The following KIF26A variants were observed in gnomAD, a reference collection of about 807,000 sequenced individuals.
KIF26A encodes the protein kinesin family member 26A.
Under a neutral mutation model 126.0 loss-of-function variants are expected in KIF26A, and 74 were observed. The observed-to-expected ratio is 0.59, with a 90% CI of 0.49 to 0.71. The LOEUF is 0.71. Among genes scored for constraint, KIF26A ranks in the 30% least tolerant of loss-of-function variants. The pLI is 0.00. For missense variants in KIF26A, 2,984 were observed against 2,763.3 expected (o/e 1.08, Z -1.79); for synonymous variants, 1,445 against 1,232.7 (o/e 1.17, Z -3.61).
At chr14:104,161,886 C>T (rs1253064886) in intron 4 of KIF26A, among the ~76,000 whole-genome samples, 1 of 152,184 alleles carries the variant, frequency 6.6e-6, no homozygotes, top group Admixed American at 6.5e-5. Context: ...GAGTCAAACC[C>T]CTCAGACTTG....
chr14:104,175,642 G>A lies in KIF26A; in HGVS notation c.2854G>A (p.Ala952Thr), dbSNP rs772138888. Residue 952 changes from alanine to threonine, a missense_variant, in exon 12 of 15, where the codon GCT (alanine) becomes ACT (threonine). Physicochemically the swap from Ala to Thr is moderately conservative, Grantham distance 58 (BLOSUM62 0). Transcript: ENST00000423312. ...AGGCAGGAGGCCACTGCCCAGCCCG[G>A]CTCCCCCACCTCCTCAGTTGCTGGA... ...SGGRRPLPSPAPPPPQLLEAC... is the reference protein window; with the variant it reads ...SGGRRPLPSPTPPPPQLLEAC... The A allele has an allele frequency of 6.2e-7, 1 of 1,610,356 alleles. No homozygotes were observed. The highest frequency in any genetic ancestry group is 1.1e-5 in the South Asian group (1 of 90,790).
At chr14:104,144,028 C>T (rs1005273788) in intron 2 of KIF26A, among the ~76,000 whole-genome samples, 2 of 152,208 alleles carry the variant, frequency 1.3e-5, no homozygotes, top group Admixed American at 6.5e-5. Flanking sequence ...AGGGAGGAAG[C>T]CTGGGTGGGC....
rs1440082772 is a variant in KIF26A, at chr14:104,179,223, C to T, written c.5317-13C>T. On this transcript the variant is annotated splice_polypyrimidine_tract_variant and intron_variant, in intron 13 of 14. Transcript: ENST00000423312. ...GGTCCCATGCCTGAGCCCCCGCCCG[C>T]CCTGCCTCCCAGGGTCTGGCGTGCG... The T allele has an allele frequency of 1.0e-5, 15 of 1,455,130 alleles. No individual in the cohort carries two copies. The East Asian group carries it at 3.7e-4, about 35-fold the overall frequency. 90.1% of individuals were successfully genotyped at this position (1,455,130 alleles called of 1,614,324 possible).
intron 2 of KIF26A, among the ~76,000 whole-genome samples, chr14:104,143,954 C>T (rs979197724): frequency 6.6e-5 from 10 of 152,194 alleles, no homozygotes; most frequent in South Asian, 4.1e-4. Context: ...GGGCTCTGCT[C>T]GGGAGGCCGT....
intron 5 of KIF26A, among the ~76,000 whole-genome samples, chr14:104,170,670 G>A (rs528176356): frequency 6.6e-6 from 1 of 152,262 alleles, no homozygotes; most frequent in East Asian, 1.9e-4. Context: ...CCTGGTTCAG[G>A]GTGGCCCTCG....
Position 104,177,885 on chromosome 14 carries a change from G to A in KIF26A, c.5097G>A (p.Lys1699=), listed in dbSNP as rs1460813536. 2 of 1,539,806 alleles carry A rather than the reference G, an allele frequency of 1.3e-6. No individual in the cohort carries two copies. The highest frequency in any genetic ancestry group is 8.7e-7 in the Non-Finnish European group (1 of 1,150,642). ...GARTRSLKSP[K]KRATGLQRRR... ...GCACCCGCAGCCTCAAGTCCCCCAA[G>A]AAGAGGGCCACAGGTGGGTGCAGAG... The change falls in exon 12 of 15, where the codon AAG becomes AAA. Residue 1699 remains lysine, a synonymous_variant. Transcript: ENST00000423312.
chr14:104,173,719 C>G lies in KIF26A; in HGVS notation c.1881C>G (p.Arg627=), dbSNP rs758282114. 2 of 1,611,018 alleles carry G rather than the reference C, an allele frequency of 1.2e-6. No individual in the cohort carries two copies. The highest frequency in any genetic ancestry group is 3.3e-5 in the Admixed American group (2 of 59,900). ...TTGTGGTTCCAGTGTCCGGAGGCCG[C>G]AGCCGCCTGCACCTCATCGACCTGG... ...KCGRGGMSGG[R]SRLHLIDLGS... The change falls in exon 10 of 15, where the codon CGC becomes CGG. Residue 627 remains arginine, a synonymous_variant. Transcript: ENST00000423312.
Position 104,175,567 on chromosome 14 carries a change from A to G in KIF26A, c.2779A>G (p.Ser927Gly), listed in dbSNP as rs2038012630. 1.2e-6 allele frequency: 2 copies of G among 1,606,732 alleles called. No individual in the cohort carries two copies. Among genetic ancestry groups the G allele is most frequent in the Non-Finnish European group, 1.7e-6 (2 of 1,179,402 alleles). Residue 927 changes from serine (S) to glycine (G), a missense_variant, in exon 12 of 15, where the codon AGC becomes GGC. Transcript: ENST00000423312. ...TGTCTGGGGTGACCAGAGAGAGGAC[A>G]GCAGCGCTTGGCCTGAGCTGCTGGT... is the stretch of plus-strand genomic sequence containing the variant. ...AIVWGDQRED[S>G]SAWPELLVPE...
At chr14:104,170,238 C>T (rs1273495848) in intron 5 of KIF26A, among the ~76,000 whole-genome samples, 2 of 152,208 alleles carry the variant, frequency 1.3e-5, no homozygotes, top group Non-Finnish European at 2.9e-5. Context: ...CCGGGAAGTG[C>T]ACGTTTTCGT....
chr14:104,159,755 TCAGGTTGTGGCGGGGGACATCCTGG>T (rs1269916509), intron 4 of KIF26A, among the ~76,000 whole-genome samples: 1 of 152,146 alleles, frequency 6.6e-6, no homozygotes, highest in African/African-American at 2.4e-5. Flanking sequence ...AGGTCGTGGT[TCAGGTTGTGGCGGGGGACATCCTGG>T]CAGGTGGGCC....
At chr14:104,173,650 G>A (rs2037984150) in intron 9 of KIF26A, 56 bp from the exon 10 acceptor site, 1 of 1,587,594 alleles carries the variant, frequency 6.3e-7, no homozygotes, top group Admixed American at 1.7e-5. Context: ...TGGGGATGTG[G>A]AGCAGGATCT....
At chr14:104,157,161 C>T (rs879342107) in intron 3 of KIF26A, among the ~76,000 whole-genome samples, 19 of 152,090 alleles carry the variant, frequency 1.2e-4, no homozygotes, top group Admixed American at 3.3e-4. Context: ...CTGTCCCGGG[C>T]GTTTAATTAC....
Position 104,177,320 on chromosome 14 carries a change from TG to T in KIF26A, c.4536del (p.Pro1513LeufsTer3). ...RGLVAGGSRALGPSVKLSTAS... is the reference protein window; with the variant it reads ...RGLVAGGSRAXGPSVKLSTAS... Reference sequence around the variant, plus strand: ...CTAGTGGCTGGTGGGTCGCGGGCTCTGGGGCCTTCGGTGAAGCTGTCTACGG... The same window carrying T: ...CTAGTGGCTGGTGGGTCGCGGGCTCTGGGCCTTCGGTGAAGCTGTCTACGG... On this transcript the variant is annotated frameshift_variant, in exon 12 of 15. Transcript: ENST00000423312. LOFTEE classifies it high-confidence loss of function. The T allele has an allele frequency of 6.5e-7, 1 of 1,533,556 alleles. No homozygotes were observed. Among genetic ancestry groups the T allele is most frequent in the Non-Finnish European group, 8.7e-7 (1 of 1,144,214 alleles). The allele number at this position is 1,533,556 out of a possible 1,614,324, so 95.0% of individuals were successfully genotyped here. A position where few individuals can be genotyped will look rare whatever the true frequency, so the allele number is the denominator to read the frequency against.
At chr14:104,150,051 G>A (rs1334780532) in intron 2 of KIF26A, among the ~76,000 whole-genome samples, 2 of 152,106 alleles carry the variant, frequency 1.3e-5, no homozygotes, top group African/African-American at 4.8e-5. Flanking sequence ...AGACCTGTGT[G>A]CCCACTGGCC....
At chr14:104,157,362 G>C (rs553775337) in intron 3 of KIF26A, among the ~76,000 whole-genome samples, 1 of 152,180 alleles carries the variant, frequency 6.6e-6, no homozygotes, top group African/African-American at 2.4e-5. Flanking sequence ...GGAGGCTCAG[G>C]GGTGAGAGGG....
rs775687567 is a variant in KIF26A at position 104,175,768 on chromosome 14, C to T, written c.2980C>T (p.Leu994Phe). Residue 994 changes from leucine to phenylalanine, a missense_variant, in exon 12 of 15, where the codon CTT (leucine) becomes TTT (phenylalanine). Transcript: ENST00000423312. Reference protein sequence around the residue: ...MSGQVAGSPMLPGATCPRLAA... With the variant: ...MSGQVAGSPMFPGATCPRLAA... The stretch of plus-strand genomic sequence containing the variant: ...TGGGCAGGTGGCTGGGTCCCCGATG[C>T]TTCCTGGGGCCACCTGCCCCCGCCT... 7.2e-6 allele frequency: 11 copies of T among 1,537,458 alleles called. No individual in the cohort carries two copies. In the South Asian group the frequency reaches 1.2e-4, roughly 17 times the overall value.
chr14:104,177,084 T>C lies in KIF26A; in HGVS notation c.4296T>C (p.Leu1432=), dbSNP rs2487302. The change falls in exon 12 of 15, where the codon CTT becomes CTC. Residue 1432 remains leucine, a synonymous_variant. Transcript: ENST00000423312. ...RASKVEAAHR[L]AGHASLERYE... ...GCAAGGTAGAAGCAGCACACCGTCT[T>C]GCCGGACACGCGTCTCTGGAGCGGT... 628,309 of 1,594,576 alleles carry C rather than the reference T, an allele frequency of 0.39. 126,962 individuals carry two copies. Among genetic ancestry groups the C allele is most frequent in the African/African-American group, 0.57 (43,050 of 74,938 alleles).
rs755979300 is a variant in KIF26A, at chr14:104,175,805, G to A, written c.3017G>A (p.Ser1006Asn). 1.3e-5 allele frequency: 20 copies of A among 1,539,282 alleles called. No individual in the cohort carries two copies. The highest frequency in any genetic ancestry group is 1.7e-5 in the Non-Finnish European group (19 of 1,146,932). The change falls in exon 12 of 15, where the codon AGT (serine) becomes AAT (asparagine). Residue 1006 changes from serine to asparagine, a missense_variant. Physicochemically the swap from Ser to Asn is conservative, Grantham distance 46 (BLOSUM62 1). Transcript: ENST00000423312. The part of the protein sequence containing the change: ...GATCPRLAAG[S>N]RCPERGLLTT... The stretch of plus-strand genomic sequence containing the variant: ...ACCTGCCCCCGCCTGGCTGCTGGCA[G>A]TCGCTGTCCGGAGCGGGGCCTGCTC...
At chr14:104,138,977 G>A in intron 1 of KIF26A, 66 bp from the exon 2 acceptor site, 2 of 1,311,816 alleles carry the variant, frequency 1.5e-6, no homozygotes, top group Middle Eastern at 5.7e-4. Flanking sequence ...GGGGCAGGGC[G>A]CGCAGGGGTC....
Sources: allele counts gnomAD v4.1 joint callset (sites outside exome capture counted in the v4.1 genomes callset), GRCh38; gene constraint gnomAD v4.1.1; transcripts MANE v1.5; gene names NCBI Gene and HGNC (gene_info 2026-07-23, HGNC 2026-07-21).